Variants in NTRK1 observed in about 807,000 individuals in gnomAD.
NTRK1 encodes the protein neurotrophic receptor tyrosine kinase 1.
A neutral mutation model predicts 86.8 loss-of-function variants in NTRK1; 62 were observed. The observed-to-expected ratio is 0.71, with a 90% CI of 0.58 to 0.88. NTRK1 has a LOEUF of 0.88. Among genes scored for constraint, NTRK1 ranks in the 40% least tolerant of loss-of-function variants. The pLI is 0.00. For missense variants in NTRK1, 967 were observed against 1,078.4 expected (o/e 0.90, Z 1.45); for synonymous variants, 469 against 456.6 (o/e 1.03, Z -0.35).
intron 1 of NTRK1, among the ~76,000 whole-genome samples, chr1:156,819,582 A>C (rs1276348808): frequency 6.6e-6 from 1 of 151,716 alleles, no homozygotes; most frequent in Non-Finnish European, 1.5e-5. Context: ...GTGCAATGGC[A>C]TAATCTCGGC....
chr1:156,863,171 C>T (rs1014102485), intron 1 of NTRK1, among the ~76,000 whole-genome samples: 2 of 152,118 alleles, frequency 1.3e-5, no homozygotes, highest in Non-Finnish European at 2.9e-5. Context: ...GGCCCCAGGG[C>T]GTCAGCTGTC....
chr1:156,841,200 G>T, intron 1 of NTRK1: 1 of 1,076,958 alleles, frequency 9.3e-7, no homozygotes, highest in Non-Finnish European at 1.4e-6. Context: ...AGTGGGGATC[G>T]TGGGCCATTA....
chr1:156,831,881 T>G (rs1360885342), intron 1 of NTRK1, among the ~76,000 whole-genome samples: 2 of 152,178 alleles, frequency 1.3e-5, no homozygotes, highest in East Asian at 3.9e-4. Context: ...TGGCTGAGTA[T>G]AGACTTGGTG....
At chr1:156,840,653 C>A (rs1654738993) in intron 1 of NTRK1, 1 of 590,314 alleles carries the variant, frequency 1.7e-6, no homozygotes, top group Non-Finnish European at 3.0e-6. Context: ...CTGGCTTTGA[C>A]CCTGCTTGCT....
intron 2 of NTRK1, among the ~76,000 whole-genome samples, chr1:156,853,335 T>C (rs919999446): frequency 2.0e-5 from 3 of 152,190 alleles, no homozygotes; most frequent in African/African-American, 7.2e-5. Context: ...TGACACCCAA[T>C]GATCATTTTA....
intron 14 of NTRK1, among the ~76,000 whole-genome samples, chr1:156,877,520 G>T (rs1367774079): frequency 6.6e-6 from 1 of 152,252 alleles, no homozygotes; most frequent in Non-Finnish European, 1.5e-5. Context: ...TGATGTGATG[G>T]TCACATGTTC....
At chr1:156,871,587 G>C in intron 6 of NTRK1, 36 bp from the exon 7 acceptor site, 6 of 1,613,488 alleles carry the variant, frequency 3.7e-6, no homozygotes, top group Non-Finnish European at 5.1e-6. Context: ...GCTGGCTAAA[G>C]CTCCTTCTTA....
At chr1:156,852,895 C>T (rs1168193969) in intron 2 of NTRK1, among the ~76,000 whole-genome samples, 2 of 152,148 alleles carry the variant, frequency 1.3e-5, no homozygotes, top group African/African-American at 4.8e-5. Flanking sequence ...GTTACTCTCC[C>T]GCCCGCCCTG....
intron 2 of NTRK1, chr1:156,843,033 C>G (rs778231001): frequency 5.6e-6 from 9 of 1,613,890 alleles, no homozygotes; most frequent in Non-Finnish European, 6.8e-6. Flanking sequence ...GCTTTCATGA[C>G]AGAAGCTTCC....
At chr1:156,844,770 G>A (rs980643939) in intron 2 of NTRK1, 32 of 1,614,124 alleles carry the variant, frequency 2.0e-5, no homozygotes, top group Non-Finnish European at 2.7e-5. Context: ...CTGGTGGCTC[G>A]AGCCAGCGCA....
At chr1:156,874,711 C>T (rs2102910834) in intron 10 of NTRK1, 85 bp downstream of exon 10, 4 of 1,427,366 alleles carry the variant, frequency 2.8e-6, no homozygotes, top group Middle Eastern at 1.8e-4. Context: ...CTGGTCAGAG[C>T]AGGGAGATCA....
At chr1:156,834,373 G>T (rs1164096793) in intron 1 of NTRK1, among the ~76,000 whole-genome samples, 1 of 152,178 alleles carries the variant, frequency 6.6e-6, no homozygotes, top group East Asian at 1.9e-4. Flanking sequence ...TCATGATGCT[G>T]GAAAGGCAGG....
intron 2 of NTRK1, among the ~76,000 whole-genome samples, chr1:156,846,320 G>C (rs1655006579): frequency 6.6e-6 from 1 of 151,862 alleles, no homozygotes; most frequent in African/African-American, 2.4e-5. Flanking sequence ...CTCAGCTATT[G>C]ACCCCGGACT....
At chr1:156,856,895 C>T (rs1057102292), upstream of NTRK1, among the ~76,000 whole-genome samples, 6 of 152,180 alleles carry the variant, frequency 3.9e-5, no homozygotes, top group African/African-American at 9.7e-5. Flanking sequence ...GAGGACCTTC[C>T]GTGGCTCCCC....
chr1:156,841,709 G>A (rs149424605), intron 1 of NTRK1: 7 of 1,613,966 alleles, frequency 4.3e-6, no homozygotes, highest in Admixed American at 3.3e-5. Flanking sequence ...TGAGGGACTC[G>A]GGGGCCATCC....
intron 1 of NTRK1, among the ~76,000 whole-genome samples, chr1:156,822,566 GA>G (rs568720677): frequency 1.8e-4 from 13 of 71,316 alleles, no homozygotes; most frequent in African/African-American, 4.8e-4. Flanking sequence ...CATCACTAAG[GA>G]AAAAAAAAGT....
At position 156,876,486 on chromosome 1, in the gene NTRK1, G is replaced by A. The variant is rs781301413; in HGVS notation, c.1719G>A (p.Val573=). 3.1e-6 allele frequency: 5 copies of A among 1,613,840 alleles called. No homozygotes were observed. The Admixed American group carries it at 6.7e-5, about 22-fold the overall frequency. ...CCATGCTGCAGCACCAGCACATCGT[G>A]CGCTTCTTCGGCGTCTGCACCGAGG... ...LLTMLQHQHI[V]RFFGVCTEGR... Residue 573 remains valine (V), a synonymous_variant, in exon 14 of 17, where the codon GTG becomes GTA. Coordinates refer to ENST00000524377, the MANE Select transcript of NTRK1 (RefSeq NM_002529.4).
At chr1:156,822,609 G>GTAAAAA (rs60950376) in intron 1 of NTRK1, among the ~76,000 whole-genome samples, 10 of 81,304 alleles carry the variant, frequency 1.2e-4, no homozygotes, top group African/African-American at 3.2e-4. Context: ...TAAAAGATTA[G>GTAAAAA]AAAAAAAAAA....
intron 1 of NTRK1, among the ~76,000 whole-genome samples, chr1:156,839,298 G>T (rs1041075359): frequency 6.6e-6 from 1 of 152,228 alleles, no homozygotes; most frequent in Non-Finnish European, 1.5e-5. Flanking sequence ...GTCTCATCTC[G>T]CCAGACCCAG....
Sources: gnomAD v4.1 joint callset for allele counts (sites outside exome capture counted in the v4.1 genomes callset) on GRCh38, gnomAD v4.1.1 for gene constraint, MANE v1.5 for transcripts, NCBI Gene and HGNC (gene_info 2026-07-23, HGNC 2026-07-21) for gene names.